The following GNA12 variants were observed in gnomAD, a reference collection of about 807,000 sequenced individuals.
The protein encoded by GNA12 is guanine nucleotide-binding protein subunit alpha-12.
Under a neutral mutation model 26.0 loss-of-function variants are expected in GNA12, and 9 were observed. That is an observed-to-expected ratio of 0.35 (90% confidence interval 0.21 to 0.60). The LOEUF (loss-of-function observed/expected upper bound fraction) is 0.60, where lower values mean the gene tolerates loss of function less well. Among genes scored for constraint, GNA12 ranks in the 20% least tolerant of loss-of-function variants. The pLI, the probability that GNA12 is intolerant of heterozygous loss-of-function variation, is 0.78. For synonymous variants in GNA12, 264 were observed against 219.6 expected (o/e 1.20, Z -1.79); for missense variants, 405 against 525.8 (o/e 0.77, Z 2.25).
chr7:2,770,798 G>C (rs1344926645), intron 2 of GNA12, among the ~76,000 whole-genome samples: 2 of 152,220 alleles, frequency 1.3e-5, no homozygotes, highest in African/African-American at 2.4e-5. Flanking sequence ...TTACAAATCA[G>C]AGTTACTGAA....
intron 2 of GNA12, among the ~76,000 whole-genome samples, chr7:2,736,083 A>T (rs1239585061): frequency 1.3e-5 from 2 of 152,206 alleles, no homozygotes; most frequent in African/African-American, 4.8e-5. Flanking sequence ...TTACAGCAGC[A>T]GCTCATTAAA....
intron 2 of GNA12, among the ~76,000 whole-genome samples, chr7:2,737,335 C>T (rs1790259900): frequency 1.6e-5 from 2 of 126,170 alleles, no homozygotes; most frequent in Admixed American, 2.0e-4. Flanking sequence ...GTCGCCCCGG[C>T]TGGAGTGCAG....
chr7:2,818,330 G>A (rs966102271), intron 1 of GNA12, among the ~76,000 whole-genome samples: 1 of 152,192 alleles, frequency 6.6e-6, no homozygotes, highest in African/African-American at 2.4e-5. Flanking sequence ...GATGCCGGCG[G>A]CACCCATCAG....
intron 2 of GNA12, among the ~76,000 whole-genome samples, chr7:2,765,578 C>G (rs1307374499): frequency 6.6e-6 from 1 of 151,812 alleles, no homozygotes; most frequent in Non-Finnish European, 1.5e-5. Flanking sequence ...TAAAGAAAAC[C>G]AGCAAGACGA....
intron 1 of GNA12, among the ~76,000 whole-genome samples, chr7:2,843,372 C>CTG (rs1562454751): frequency 8.6e-5 from 13 of 151,700 alleles, no homozygotes; most frequent in African/African-American, 3.1e-4. Context: ...GACCGGGCGC[C>CTG]ATGACTCATG....
At chr7:2,746,739 T>C (rs1790781043) in intron 2 of GNA12, among the ~76,000 whole-genome samples, 1 of 152,140 alleles carries the variant, frequency 6.6e-6, no homozygotes, top group African/African-American at 2.4e-5. Context: ...AGCTGGTTTT[T>C]TGAAAAGATC....
intron 1 of GNA12, among the ~76,000 whole-genome samples, chr7:2,801,420 C>CAG (rs897016191): frequency 3.9e-5 from 6 of 152,156 alleles, no homozygotes; most frequent in Admixed American, 3.9e-4. Flanking sequence ...CTGCACACAC[C>CAG]AGGCCTTCCC....
At chr7:2,791,915 C>T (rs965207831) in intron 2 of GNA12, among the ~76,000 whole-genome samples, 1 of 152,166 alleles carries the variant, frequency 6.6e-6, no homozygotes, top group African/African-American at 2.4e-5. Flanking sequence ...GAATAACAGT[C>T]ATGCACCCAC....
At position 2,789,236 on chromosome 7, in the gene GNA12, C is replaced by T. The variant is rs968372644; in HGVS notation, c.525+5692G>A. ...CTGCAAGCTCCGCCTCCCGGGTTCACGCCATTCTCCTGCCTCAGCCTCCCA... is the reference window on the plus strand; with the variant it reads ...CTGCAAGCTCCGCCTCCCGGGTTCATGCCATTCTCCTGCCTCAGCCTCCCA... On this transcript the variant is annotated intron_variant, in intron 2 of 3. Transcript: ENST00000275364. Among the ~76,000 whole-genome samples, 12 of 139,524 alleles carry T rather than the reference C, an allele frequency of 8.6e-5. No individual in the cohort carries two copies. The East Asian group carries it at 1.7e-3, about 20-fold the overall frequency. The allele number at this position is 139,524 out of a possible 152,430, so 91.5% of individuals were successfully genotyped here.
chr7:2,784,342 A>C (rs1792307595), intron 2 of GNA12, among the ~76,000 whole-genome samples: 1 of 151,760 alleles, frequency 6.6e-6, no homozygotes, highest in Non-Finnish European at 1.5e-5. Flanking sequence ...CTGGTCTTGA[A>C]CTCTGGACTC....
chr7:2,802,665 T>C (rs1023310016), intron 1 of GNA12, among the ~76,000 whole-genome samples: 9 of 152,186 alleles, frequency 5.9e-5, no homozygotes, highest in African/African-American at 1.4e-4. Context: ...GGCAACAGCA[T>C]GTGGACTTGG....
intron 2 of GNA12, among the ~76,000 whole-genome samples, chr7:2,759,211 G>T (rs1791445910): frequency 6.6e-6 from 1 of 151,876 alleles, no homozygotes; most frequent in East Asian, 1.9e-4. Context: ...AAAACCCCAT[G>T]ATGGATCTCA....
chr7:2,836,055 T>A, intron 1 of GNA12: 1 of 265,382 alleles, frequency 3.8e-6, no homozygotes, highest in Non-Finnish European at 7.9e-6. Context: ...AAAATTTGTT[T>A]AATAAACTTG....
intron 1 of GNA12, among the ~76,000 whole-genome samples, chr7:2,836,618 G>A (rs577660578): frequency 3.7e-4 from 56 of 152,252 alleles, no homozygotes; most frequent in Non-Finnish European, 4.7e-4. Flanking sequence ...GGCAATGCCC[G>A]TCCTATTCCA....
intron 2 of GNA12, among the ~76,000 whole-genome samples, chr7:2,773,886 C>T (rs1158635670): frequency 6.6e-6 from 1 of 152,156 alleles, no homozygotes; most frequent in Non-Finnish European, 1.5e-5. Context: ...ACCAGGAGGG[C>T]AGGGAACTAA....
intron 1 of GNA12, among the ~76,000 whole-genome samples, chr7:2,806,457 C>CAAAAAAAAAAAAAAAAAAA (rs34036056): frequency 3.1e-4 from 25 of 80,702 alleles, no homozygotes; most frequent in East Asian, 7.5e-4. Flanking sequence ...GACTCTGTCT[C>CAAAAAAAAAAAAAAAAAAA]AAAAAAAAAA....
chr7:2,767,206 T>C (rs929000212), intron 2 of GNA12, among the ~76,000 whole-genome samples: 2 of 152,220 alleles, frequency 1.3e-5, no homozygotes, highest in Admixed American at 1.3e-4. Context: ...ACTCTGTTGA[T>C]TGTGTCCCTG....
chr7:2,842,892 A>AGGGC (rs570561064), intron 1 of GNA12, among the ~76,000 whole-genome samples: 13 of 152,332 alleles, frequency 8.5e-5, no homozygotes, highest in African/African-American at 3.1e-4. Context: ...GACCATGGGG[A>AGGGC]GGGCACAGGT....
intron 2 of GNA12, among the ~76,000 whole-genome samples, chr7:2,759,521 T>G (rs755197196): frequency 4.8e-4 from 73 of 152,204 alleles, no homozygotes; most frequent in Admixed American, 7.2e-4. Context: ...AAAAGACAAG[T>G]AAAAGGAAAG....
Sources: gnomAD v4.1 joint callset for allele counts (sites outside exome capture counted in the v4.1 genomes callset) on GRCh38, gnomAD v4.1.1 for gene constraint, MANE v1.5 for transcripts, NCBI Gene and HGNC (gene_info 2026-07-23, HGNC 2026-07-21) for gene names.